The following KIF26B variants were observed in gnomAD, a reference collection of about 807,000 sequenced individuals.
The protein encoded by KIF26B is kinesin family member 26B.
KIF26B carries 63 observed loss-of-function variants against 151.2 expected under a neutral mutation model. The ratio of observed to expected loss-of-function variants is 0.42; its 90% CI spans 0.34 to 0.51. KIF26B has a LOEUF of 0.51. KIF26B is among the 20% of genes least tolerant of loss of function. The pLI is 0.07. For synonymous variants in KIF26B, 1,357 were observed against 1,262.1 expected (o/e 1.08, Z -1.59); for missense variants, 2,813 against 2,913.6 (o/e 0.97, Z 0.79).
chr1:245,182,568 C>A (rs1480034145), intron 2 of KIF26B, among the ~76,000 whole-genome samples: 2 of 152,116 alleles, frequency 1.3e-5, no homozygotes, highest in East Asian at 3.9e-4. Context: ...CATATGGTTT[C>A]ATTTCTTATG....
chr1:245,318,624 GGGAAAGCA>G lies in KIF26B; in HGVS notation c.466-48208_466-48201del, dbSNP rs1270889816. 6.6e-6 allele frequency among the ~76,000 whole-genome samples: 1 copy of G among 152,128 alleles called. No homozygotes were observed. The highest frequency in any genetic ancestry group is 1.5e-5 in the Non-Finnish European group (1 of 68,028). On this transcript the variant is annotated intron_variant, in intron 2 of 14. Transcript: ENST00000407071. This position sits in a 1 kb window ranked among gnomAD's most constrained non-coding sequence, Gnocchi z 4.0. ...TTTGCTGCGACTCCCTAAGTTCATA[GGGAAAGCA>G]GCAAGGATGAGTTCGGGAGACTCTG...
rs549739527 is a variant in KIF26B at position 245,602,142 on chromosome 1, C to T, written c.1351-435C>T. On this transcript the variant is annotated intron_variant, in intron 5 of 14. Transcript: ENST00000407071. The surrounding 1 kb of genome is among the most constrained non-coding windows in gnomAD (Gnocchi z 4.5). Reference sequence around the variant, plus strand: ...ACTGTGGATTTTTGTCTCCCAGAGTCCTGATGAGCTGAGCCAAGGAGTAAA... The same window carrying T: ...ACTGTGGATTTTTGTCTCCCAGAGTTCTGATGAGCTGAGCCAAGGAGTAAA... 1.5e-4 allele frequency among the ~76,000 whole-genome samples: 23 copies of T among 152,254 alleles called. 1 individual carries two copies. Among genetic ancestry groups the T allele is most frequent in the Admixed American group, 3.3e-4 (5 of 15,288 alleles).
chr1:245,535,802 T>C (rs1351321448), intron 4 of KIF26B, among the ~76,000 whole-genome samples: 1 of 152,246 alleles, frequency 6.6e-6, no homozygotes, highest in Admixed American at 6.5e-5. Flanking sequence ...CAGCCTTGGC[T>C]CTACTACTTA....
intron 2 of KIF26B, among the ~76,000 whole-genome samples, chr1:245,195,072 A>C (rs1019082803): frequency 7.9e-5 from 12 of 152,154 alleles, no homozygotes; most frequent in Admixed American, 3.3e-4. Context: ...CTAGGATTTT[A>C]TGTAGGAACC....
At chr1:245,673,089 C>T (rs112482911) in intron 10 of KIF26B, among the ~76,000 whole-genome samples, 10 of 144,902 alleles carry the variant, frequency 6.9e-5, no homozygotes, top group African/African-American at 2.1e-4. Context: ...CCCCGCTGGG[C>T]GCTGCCATCT....
At chr1:245,299,544 A>G (rs985886687) in intron 2 of KIF26B, among the ~76,000 whole-genome samples, 3 of 152,150 alleles carry the variant, frequency 2.0e-5, no homozygotes, top group Non-Finnish European at 4.4e-5. Flanking sequence ...AATGTTTTAG[A>G]ATTTTCATAT....
intron 9 of KIF26B, among the ~76,000 whole-genome samples, chr1:245,623,680 T>G (rs542636643): frequency 6.6e-6 from 1 of 152,244 alleles, no homozygotes; most frequent in Non-Finnish European, 1.5e-5. Context: ...AAACTTTTTG[T>G]GTACAAAATT....
intron 10 of KIF26B, among the ~76,000 whole-genome samples, chr1:245,648,642 A>T (rs549528479): frequency 2.0e-5 from 3 of 152,090 alleles, no homozygotes; most frequent in South Asian, 2.1e-4. Flanking sequence ...CAAAAAAAAA[A>T]AAATAAATGA....
Position 245,706,545 on chromosome 1 carries a change from T to C in KIF26B, c.*3939T>C, listed in dbSNP as rs917901000. 2 of 152,258 alleles carry C rather than the reference T, an allele frequency of 1.3e-5. No homozygotes were observed. The highest frequency in any genetic ancestry group is 4.8e-5 in the African/African-American group (2 of 41,470). The allele number at this position is 152,258 out of a possible 1,614,324, so 9.4% of individuals were successfully genotyped here. On this transcript the variant is annotated 3_prime_UTR_variant, in exon 15 of 15. Coordinates refer to ENST00000407071, the MANE Select transcript of KIF26B (RefSeq NM_018012.4). ...AACTAAAAAAGGAAGGAGTCCTGCC[T>C]GTACTCATTGTTCTTTCCTGCTGGA...
At chr1:245,455,680 A>G (rs1659502838) in intron 4 of KIF26B, among the ~76,000 whole-genome samples, 1 of 152,204 alleles carries the variant, frequency 6.6e-6, no homozygotes. Flanking sequence ...CAGATGGATG[A>G]ATATTCAAGA....
chr1:245,532,125 T>C (rs570217670), intron 4 of KIF26B, among the ~76,000 whole-genome samples: 5 of 152,122 alleles, frequency 3.3e-5, no homozygotes, highest in African/African-American at 1.2e-4. Context: ...AGACAACTGC[T>C]ATAAGACTTC....
rs150551189 is a variant in KIF26B, at chr1:245,442,259, G to A, written c.1166+22514G>A. Among the ~76,000 whole-genome samples the A allele has an allele frequency of 2.4e-3, 365 of 152,262 alleles. 4 individuals are homozygous for A. Among genetic ancestry groups the A allele is most frequent in the Middle Eastern group, 0.01 (3 of 294 alleles). ...TTACTGCAAAGATGGAGGAAGAGGC[G>A]AGAGTTGCTTCCTGTCCGTGCTCTG... On this transcript the variant is annotated intron_variant, in intron 4 of 14. Transcript: ENST00000407071.
chr1:245,388,477 C>T (rs1240126783), intron 3 of KIF26B, among the ~76,000 whole-genome samples: 1 of 152,208 alleles, frequency 6.6e-6, no homozygotes, highest in Non-Finnish European at 1.5e-5. Flanking sequence ...CTTTCTTTCT[C>T]ATCTTGTGTT....
intron 9 of KIF26B, among the ~76,000 whole-genome samples, chr1:245,629,718 T>C (rs1289755225): frequency 6.6e-6 from 1 of 151,908 alleles, no homozygotes; most frequent in African/African-American, 2.4e-5. Context: ...CAAAAGCAAT[T>C]GCCAACAAAA....
chr1:245,478,020 C>T (rs1660080535), intron 4 of KIF26B, among the ~76,000 whole-genome samples: 1 of 151,848 alleles, frequency 6.6e-6, no homozygotes, highest in Admixed American at 6.6e-5. Flanking sequence ...CTGGCACCCA[C>T]TCATCAACAT....
rs1025037196 is a variant in KIF26B at position 245,606,617 on chromosome 1, G to C, written c.1558-1034G>C. On this transcript the variant is annotated intron_variant, in intron 6 of 14. Transcript: ENST00000407071. This position sits in a 1 kb window ranked among gnomAD's most constrained non-coding sequence, Gnocchi z 4.6. Reference sequence around the variant, plus strand: ...TTCAGGGGAAATACAAAACATCATCGAGAGCCTGGTCCCTGTCTAGGATTT... The same window carrying C: ...TTCAGGGGAAATACAAAACATCATCCAGAGCCTGGTCCCTGTCTAGGATTT... Among the ~76,000 whole-genome samples, 2 of 152,200 alleles carry C rather than the reference G, an allele frequency of 1.3e-5. No homozygotes were observed. The highest frequency in any genetic ancestry group is 4.8e-5 in the African/African-American group (2 of 41,454).
chr1:245,324,223 T>C (rs1269735826), intron 2 of KIF26B, among the ~76,000 whole-genome samples: 1 of 151,530 alleles, frequency 6.6e-6, no homozygotes, highest in Non-Finnish European at 1.5e-5. Flanking sequence ...GGAGGTGGAG[T>C]TGATGTGGGT....
intron 4 of KIF26B, among the ~76,000 whole-genome samples, chr1:245,467,234 A>T (rs569307580): frequency 6.6e-6 from 1 of 152,142 alleles, no homozygotes. Context: ...TATACCCCCA[A>T]TGTGGTGGGA....
In KIF26B at chr1:245,389,713, G is replaced by T. The variant is rs576634417; in HGVS notation, c.999+22346G>T. On this transcript the variant is annotated intron_variant, in intron 3 of 14. Transcript: ENST00000407071. ...GAAGTATCCATTTTTTTAAATGTTGGTTTTTTCTATTAGTTTTTAAATTAA... is the reference window on the plus strand; with the variant it reads ...GAAGTATCCATTTTTTTAAATGTTGTTTTTTTCTATTAGTTTTTAAATTAA... Among the ~76,000 whole-genome samples, 6 of 152,216 alleles carry T rather than the reference G, an allele frequency of 3.9e-5. No individual in the cohort carries two copies. The East Asian group carries it at 1.2e-3, about 29-fold the overall frequency.
Sources: allele counts gnomAD v4.1 joint callset (sites outside exome capture counted in the v4.1 genomes callset), GRCh38; gene constraint gnomAD v4.1.1; non-coding constraint Gnocchi (gnomAD v3.1); transcripts MANE v1.5; gene names NCBI Gene and HGNC (gene_info 2026-07-23, HGNC 2026-07-21).